Variants in ERCC6 observed in about 807,000 individuals in gnomAD.
ERCC6 encodes the protein DNA excision repair protein ERCC-6.
Under a neutral mutation model 158.7 loss-of-function variants are expected in ERCC6, and 116 were observed. The observed-to-expected ratio is 0.73, with a 90% CI of 0.63 to 0.85. The LOEUF (loss-of-function observed/expected upper bound fraction) is 0.85, where lower values mean the gene tolerates loss of function less well. ERCC6 is among the 40% of genes least tolerant of loss of function. The pLI is 0.00. For missense variants in ERCC6, 1,698 were observed against 1,799.4 expected (o/e 0.94, Z 1.02); for synonymous variants, 678 against 659.3 (o/e 1.03, Z -0.43).
chr10:49,480,072 A>C (rs1299656237), intron 10 of ERCC6, among the ~76,000 whole-genome samples: 1 of 152,188 alleles, frequency 6.6e-6, no homozygotes, highest in Admixed American at 6.5e-5. Flanking sequence ...AAGAGGGTCA[A>C]CTAGGCGTCC....
chr10:49,451,435 T>C (rs61850976), downstream of ERCC6, among the ~76,000 whole-genome samples: 26,930 of 152,130 alleles, frequency 0.18, 2,842 homozygotes, highest in South Asian at 0.26. Flanking sequence ...ATGTTCTTTA[T>C]CAGGTTAAGG....
intron 7 of ERCC6, among the ~76,000 whole-genome samples, chr10:49,496,229 T>C (rs1335239715): frequency 2.0e-5 from 3 of 152,202 alleles, no homozygotes; most frequent in Non-Finnish European, 4.4e-5. Flanking sequence ...CGACTCTTCC[T>C]TAGTGCACTC....
At position 49,470,250 on chromosome 10, in the gene ERCC6, T is replaced by A. The variant is rs372743065; in HGVS notation, c.3710A>T (p.Glu1237Val). The A allele has an allele frequency of 2.4e-5, 39 of 1,614,086 alleles. No homozygotes were observed. Among genetic ancestry groups the A allele is most frequent in the Non-Finnish European group, 3.0e-5 (35 of 1,180,044 alleles). ...KKRRYQKQDS[E>V]NKSEAKEQSN... ...CTGTTCCTTGGCCTCACTCTTGTTT[T>A]CACTGTCTTGCTTCTGGTAACGCCT... The change falls in exon 18 of 21, where the codon GAA (glutamate) becomes GTA (valine). Residue 1237 changes from glutamate (E) to valine (V), a missense_variant. Glu to Val is a moderately radical substitution (Grantham distance 121). Coordinates refer to ENST00000355832, the MANE Select transcript of ERCC6 (RefSeq NM_000124.4).
At chr10:49,451,267 C>G (rs1015969230), downstream of ERCC6, among the ~76,000 whole-genome samples, 9 of 149,680 alleles carry the variant, frequency 6.0e-5, no homozygotes, top group African/African-American at 2.0e-4. Flanking sequence ...CCTTTCCAAC[C>G]TTTATTTTCT....
chr10:49,470,188 T>C lies in ERCC6; in HGVS notation c.3772A>G (p.Lys1258Glu). ...DDYVLEKLFK[K>E]SVGVHSVMKH... ...AACGTATCAAATGGATTACCTGATT[T>C]TTTGAAAAGCTTTTCCAAAACATAA... The change falls in exon 18 of 21, where the codon AAA becomes GAA. Residue 1258 changes from lysine to glutamate, a missense_variant. Coordinates refer to ENST00000355832, the MANE Select transcript of ERCC6 (RefSeq NM_000124.4). 6.2e-7 allele frequency: 1 copy of C among 1,614,202 alleles called. No homozygotes were observed. Among genetic ancestry groups the C allele is most frequent in the Non-Finnish European group, 8.5e-7 (1 of 1,180,010 alleles).
downstream of ERCC6, among the ~76,000 whole-genome samples, chr10:49,453,770 GTT>G (rs59726219): frequency 6.6e-6 from 1 of 151,836 alleles, no homozygotes; most frequent in Non-Finnish European, 1.5e-5. Flanking sequence ...TTGGTTGACA[GTT>G]TTTTTTTCTT....
At chr10:49,465,349 G>A (rs1264932819) in intron 18 of ERCC6, among the ~76,000 whole-genome samples, 1 of 152,230 alleles carries the variant, frequency 6.6e-6, no homozygotes, top group Non-Finnish European at 1.5e-5. Context: ...TATCTAGGAA[G>A]TAACTAACTT....
intron 8 of ERCC6, among the ~76,000 whole-genome samples, chr10:49,489,808 G>T (rs1851140812): frequency 6.6e-6 from 1 of 152,148 alleles, no homozygotes; most frequent in Admixed American, 6.5e-5. Context: ...CCTACTGTGA[G>T]TTATGGGATA....
chr10:49,473,954 T>G, intron 13 of ERCC6, 73 bp downstream of exon 13: 1 of 1,324,098 alleles, frequency 7.6e-7, no homozygotes. Flanking sequence ...TACTTTAGAT[T>G]GAATCCCATT....
chr10:49,518,280 A>G (rs533441805), intron 5 of ERCC6, among the ~76,000 whole-genome samples: 3 of 152,228 alleles, frequency 2.0e-5, no homozygotes, highest in South Asian at 2.1e-4. Flanking sequence ...GGGAGAAACC[A>G]GGCACTGAAA....
chr10:49,458,495 C>T lies in ERCC6; in HGVS notation c.*320G>A. On this transcript the variant is annotated 3_prime_UTR_variant, in exon 21 of 21. Coordinates refer to ENST00000355832, the MANE Select transcript of ERCC6 (RefSeq NM_000124.4). ...TCTGTTCTGCAAACTTCTAACTGTG[C>T]TCCCTGACAGCATCTTTTGGGTAAA... The T allele has an allele frequency of 3.1e-6, 1 of 323,900 alleles. No individual in the cohort carries two copies. The highest frequency in any genetic ancestry group is 5.8e-6 in the Non-Finnish European group (1 of 172,274). 20.1% of individuals were successfully genotyped at this position (323,900 alleles called of 1,614,324 possible).
At chr10:49,487,551 C>T (rs1288781391) in intron 8 of ERCC6, among the ~76,000 whole-genome samples, 2 of 151,698 alleles carry the variant, frequency 1.3e-5, no homozygotes, top group Non-Finnish European at 2.9e-5. Context: ...AAGCAGTCTG[C>T]CCAGAGAAAA....
Position 49,524,109 on chromosome 10 carries a change from C to T in ERCC6, c.1321G>A (p.Glu441Lys). Residue 441 changes from glutamate to lysine, a missense_variant, in exon 5 of 21, where the codon GAA (glutamate) becomes AAA (lysine). By Grantham distance (56) the Glu-to-Lys change is moderately conservative (BLOSUM62 1). Coordinates refer to ENST00000355832, the MANE Select transcript of ERCC6 (RefSeq NM_000124.4). ...ACTTTCCGACCTCCTCCTCCTCCTT[C>T]TCCTACAGAAGCAGCTTCAGCTTCT... ...GEEAEAASVG[E>K]GGGGGRKVGR... 2 of 1,614,060 alleles carry T rather than the reference C, an allele frequency of 1.2e-6. No individual in the cohort carries two copies. The highest frequency in any genetic ancestry group is 2.2e-5 in the South Asian group (2 of 91,076).
chr10:49,438,719 G>T, the ERCC6 span, among the ~76,000 whole-genome samples: 1 of 152,154 alleles, frequency 6.6e-6, no homozygotes, highest in East Asian at 1.9e-4. Context: ...AGTCCCTTCT[G>T]CCTATGAGCC....
intron 5 of ERCC6, chr10:49,506,285 T>A (rs954535992): frequency 6.5e-6 from 3 of 463,870 alleles, no homozygotes; most frequent in African/African-American, 2.0e-5. Flanking sequence ...GCTCCTCTTC[T>A]GGCATACCCT....
chr10:49,492,824 T>C (rs1405533551), intron 8 of ERCC6, among the ~76,000 whole-genome samples: 1 of 152,216 alleles, frequency 6.6e-6, no homozygotes, highest in Admixed American at 6.5e-5. Flanking sequence ...ACCTGACTTA[T>C]GACTCCAACC....
At chr10:49,529,620 G>C (rs1315540306) in intron 3 of ERCC6, among the ~76,000 whole-genome samples, 21 of 152,190 alleles carry the variant, frequency 1.4e-4, no homozygotes, top group Admixed American at 1.3e-3. Context: ...GGGTAGTGCA[G>C]GTAACAGACT....
Position 49,482,955 on chromosome 10 carries a change from C to T in ERCC6, c.1993-92G>A, listed in dbSNP as rs1410440560. The stretch of plus-strand genomic sequence containing the variant: ...AACGCTCCTCTGCAAATTATTTACA[C>T]ATTTACTCATCATTCTTGCATCATT... On this transcript the variant is annotated intron_variant, in intron 9 of 20. Coordinates refer to ENST00000355832, the MANE Select transcript of ERCC6 (RefSeq NM_000124.4). 5.3e-6 allele frequency: 7 copies of T among 1,323,064 alleles called. No individual in the cohort carries two copies. The East Asian group carries it at 9.5e-5, about 18-fold the overall frequency. The allele number at this position is 1,323,064 out of a possible 1,614,324, so 82.0% of individuals were successfully genotyped here. A position where few individuals can be genotyped will look rare whatever the true frequency, so the allele number is the denominator to read the frequency against.
chr10:49,515,846 T>A (rs767117156), intron 5 of ERCC6: 38 of 1,614,098 alleles, frequency 2.4e-5, no homozygotes, highest in Non-Finnish European at 2.9e-5. Context: ...CAGCACCAGA[T>A]GAGGCAACAG....
Sources: allele counts gnomAD v4.1 joint callset (sites outside exome capture counted in the v4.1 genomes callset), GRCh38; gene constraint gnomAD v4.1.1; transcripts MANE v1.5; gene names NCBI Gene and HGNC (gene_info 2026-07-23, HGNC 2026-07-21).